The following PAK1 variants were observed in gnomAD, a reference collection of about 807,000 sequenced individuals.
The protein encoded by PAK1 is serine/threonine-protein kinase PAK 1.
In PAK1, 29 loss-of-function variants were observed where a neutral mutation model predicts 67.4. The ratio of observed to expected loss-of-function variants is 0.43; its 90% CI spans 0.32 to 0.59. The LOEUF (loss-of-function observed/expected upper bound fraction) is 0.59, where lower values mean the gene tolerates loss of function less well. Ranked by LOEUF, PAK1 falls within the 20% of genes least tolerant of loss-of-function variation. The pLI is 0.07. For missense variants in PAK1, 337 were observed against 670.7 expected, an observed-to-expected ratio of 0.50 and a Z score of 5.50; for synonymous variants, 223 against 237.4, an observed-to-expected ratio of 0.94 and a Z score of 0.56.
intron 14 of PAK1, among the ~76,000 whole-genome samples, chr11:77,328,419 A>C (rs1014888298): frequency 6.6e-6 from 1 of 152,190 alleles, no homozygotes; most frequent in African/African-American, 2.4e-5. Flanking sequence ...AAAGAACAGA[A>C]ATTATAACAA....
At chr11:77,456,311 AT>A (rs1480259710) in intron 1 of PAK1, among the ~76,000 whole-genome samples, 3 of 152,164 alleles carry the variant, frequency 2.0e-5, no homozygotes, top group Admixed American at 6.5e-5. Flanking sequence ...CATAAAAACT[AT>A]TTTTTAAGTG....
Position 77,340,661 on chromosome 11 carries a change from T to C in PAK1, c.1101A>G (p.Ala367=), listed in dbSNP as rs1428333341. The C allele has an allele frequency of 6.3e-7, 1 of 1,591,062 alleles. No individual in the cohort carries two copies. The highest frequency in any genetic ancestry group is 1.7e-5 in the Admixed American group (1 of 59,986). Residue 367 remains alanine, a synonymous_variant, in exon 11 of 15, where the codon GCA becomes GCG. Transcript: ENST00000356341. Reference sequence around the variant, plus strand: ...TTGGCCTTACCTCACGGCACACAGCTGCAATTTGGCCTTCATCCATGCAAG... The same window carrying C: ...TTGGCCTTACCTCACGGCACACAGCCGCAATTTGGCCTTCATCCATGCAAG... ...TETCMDEGQI[A]AVCRECLQAL... is the part of the protein sequence containing the mutation.
chr11:77,475,193 G>A (rs1958039880), upstream of PAK1: 1 of 152,028 alleles, frequency 6.6e-6, no homozygotes, highest in Non-Finnish European at 1.5e-5. Flanking sequence ...CCTAAGCCAG[G>A]AACCTAGACA....
intron 1 of PAK1, among the ~76,000 whole-genome samples, chr11:77,420,188 G>C (rs1955185185): frequency 6.6e-6 from 1 of 152,128 alleles, no homozygotes; most frequent in Non-Finnish European, 1.5e-5. Context: ...GAGCTACTGA[G>C]ATTTCCCTTG....
Position 77,358,990 on chromosome 11 carries a change from C to G in PAK1, c.505G>C (p.Ala169Pro), listed in dbSNP as rs753260953. ...LNVKAVSETP[A>P]VPPVSEDEDD... is the part of the protein sequence containing the mutation. ...TCATCTTCTGAAACTGGTGGCACTG[C>G]AGGAGTCTCAGACACAGCCTTCACA... Residue 169 changes from alanine (A) to proline (P), a missense_variant, in exon 6 of 15, where the codon GCA (alanine) becomes CCA (proline). Coordinates refer to ENST00000356341, the MANE Select transcript of PAK1 (RefSeq NM_002576.5). The G allele has an allele frequency of 1.2e-6, 2 of 1,613,244 alleles. No individual in the cohort carries two copies. Among genetic ancestry groups the G allele is most frequent in the South Asian group, 1.1e-5 (1 of 91,054 alleles).
At chr11:77,327,387 A>C (rs1000121872) in intron 14 of PAK1, among the ~76,000 whole-genome samples, 5 of 152,252 alleles carry the variant, frequency 3.3e-5, no homozygotes, top group Non-Finnish European at 7.3e-5. Context: ...CCAGAGAGAA[A>C]GGTCGGGTTA....
rs376886328 is a variant in PAK1 at position 77,330,972 on chromosome 11, G to A, written c.1551+1758C>T. 9.8e-4 allele frequency among the ~76,000 whole-genome samples: 149 copies of A among 152,138 alleles called. 1 individual carries two copies. Among genetic ancestry groups the A allele is most frequent in the South Asian group, 3.1e-3 (15 of 4,806 alleles). ...CAAACAACCCCATCAAAAAGTGGGC[G>A]AAGGATATGAACAGACACTTCTCAA... On this transcript the variant is annotated intron_variant, in intron 14 of 14. Coordinates refer to ENST00000356341, the MANE Select transcript of PAK1 (RefSeq NM_002576.5).
chr11:77,413,949 G>A (rs987433740), intron 1 of PAK1, among the ~76,000 whole-genome samples: 13 of 151,982 alleles, frequency 8.6e-5, no homozygotes, highest in African/African-American at 2.7e-4. Flanking sequence ...TATCTTACTC[G>A]ACTTCCCACC....
Position 77,378,769 on chromosome 11 carries a change from G to A in PAK1, c.439+472C>T, listed in dbSNP as rs139918299. Among the ~76,000 whole-genome samples the A allele has an allele frequency of 3.9e-3, 587 of 152,110 alleles. 4 individuals carry two copies. Among genetic ancestry groups the A allele is most frequent in the African/African-American group, 0.013 (554 of 41,474 alleles). On this transcript the variant is annotated intron_variant, in intron 4 of 14. Transcript: ENST00000356341. Reference sequence around the variant, plus strand: ...CACCCGGCTAATTTTTGTATTTTTTGTAGAGACAGGGTTTTGCCACGTTGC... The same window carrying A: ...CACCCGGCTAATTTTTGTATTTTTTATAGAGACAGGGTTTTGCCACGTTGC...
At chr11:77,370,021 A>C (rs1374942313) in intron 5 of PAK1, among the ~76,000 whole-genome samples, 1 of 152,136 alleles carries the variant, frequency 6.6e-6, no homozygotes, top group African/African-American at 2.4e-5. Context: ...AGTGTATGTA[A>C]TTAGCATTAG....
chr11:77,478,942 G>A (rs1958088509), upstream of PAK1, among the ~76,000 whole-genome samples: 1 of 150,706 alleles, frequency 6.6e-6, no homozygotes, highest in Admixed American at 6.6e-5. Context: ...AAAATTAGCT[G>A]GGCGTGGTGG....
chr11:77,460,094 C>T (rs1957265749), intron 1 of PAK1, among the ~76,000 whole-genome samples: 1 of 148,364 alleles, frequency 6.7e-6, no homozygotes, highest in African/African-American at 2.5e-5. Flanking sequence ...GAACAGCAAA[C>T]CAGGGGTAAA....
At chr11:77,424,591 T>C (rs1437012894) in intron 1 of PAK1, among the ~76,000 whole-genome samples, 2 of 152,230 alleles carry the variant, frequency 1.3e-5, no homozygotes, top group Admixed American at 1.3e-4. Flanking sequence ...CTGAGGAATG[T>C]TTCTCTTATT....
the PAK1 span, among the ~76,000 whole-genome samples, chr11:77,509,091 T>C: frequency 6.6e-6 from 1 of 151,264 alleles, no homozygotes; most frequent in East Asian, 2.0e-4. Context: ...ACCCCGTCTC[T>C]ACTAAAAATA....
intron 8 of PAK1, 61 bp downstream of exon 8, chr11:77,353,475 T>C: frequency 8.1e-7 from 1 of 1,235,640 alleles, no homozygotes; most frequent in Non-Finnish European, 1.2e-6. Flanking sequence ...AGCAAAATCA[T>C]ATATGCCGGC....
At chr11:77,351,921 CTT>C (rs1945311221) in intron 8 of PAK1, among the ~76,000 whole-genome samples, 1 of 151,598 alleles carries the variant, frequency 6.6e-6, no homozygotes, top group African/African-American at 2.4e-5. Flanking sequence ...TTGCACAAAT[CTT>C]AAGTGTACAA....
chr11:77,375,177 T>G (rs17135593), intron 4 of PAK1, among the ~76,000 whole-genome samples: 3,202 of 152,308 alleles, frequency 0.021, 110 homozygotes, highest in African/African-American at 0.073. Flanking sequence ...AGGAATTAGA[T>G]TTGAATTCTG....
the PAK1 span, among the ~76,000 whole-genome samples, chr11:77,481,898 A>G: frequency 1.3e-5 from 2 of 152,128 alleles, no homozygotes; most frequent in East Asian, 3.8e-4. Context: ...ACAGTGCTGT[A>G]CTTATTAGGT....
At chr11:77,397,188 G>C (rs571829861) in intron 1 of PAK1, 1 of 152,342 alleles carries the variant, frequency 6.6e-6, no homozygotes, top group East Asian at 1.9e-4. Flanking sequence ...AACAGACAGA[G>C]AGAAAGACAG....
Sources: gnomAD v4.1 joint callset for allele counts (sites outside exome capture counted in the v4.1 genomes callset) on GRCh38, gnomAD v4.1.1 for gene constraint, MANE v1.5 for transcripts, NCBI Gene and HGNC (gene_info 2026-07-23, HGNC 2026-07-21) for gene names.